Variants in FAM120A observed in about 807,000 individuals in gnomAD.
FAM120A encodes family with sequence similarity 120 member A, also known as constitutive coactivator of PPAR-gamma-like protein 1.
A neutral mutation model predicts 109.7 loss-of-function variants in FAM120A; 15 were observed. The observed-to-expected ratio is 0.14, with a 90% confidence interval of 0.09 to 0.21. The LOEUF (loss-of-function observed/expected upper bound fraction) is 0.21. Among genes scored for constraint, FAM120A ranks in the 10% least tolerant of loss-of-function variants. The pLI, the probability that FAM120A is intolerant of heterozygous loss-of-function variation, is 1.00. For synonymous variants in FAM120A, 493 were observed against 572.8 expected, an observed-to-expected ratio of 0.86 and a Z score of 1.99; for missense variants, 899 against 1,439.3, an observed-to-expected ratio of 0.62 and a Z score of 6.07.
At chr9:93,504,459 C>T (rs1859944911) in intron 5 of FAM120A, among the ~76,000 whole-genome samples, 1 of 152,134 alleles carries the variant, frequency 6.6e-6, no homozygotes, top group African/African-American at 2.4e-5. Context: ...CTCTCTACCA[C>T]CCTCAATTTT....
chr9:93,451,883 G>T lies in FAM120A; in HGVS notation c.-33G>T. On this transcript the variant is annotated 5_prime_UTR_variant, in exon 1 of 18. Transcript: ENST00000277165. ...ACCACCCCCGGCCCCGCCGCCCCCC[G>T]CCCGCACCCGCGCCCGCGCCCCCGC... The T allele has an allele frequency of 1.4e-6, 1 of 712,194 alleles. No individual in the cohort carries two copies. The highest frequency in any genetic ancestry group is 1.8e-6 in the Non-Finnish European group (1 of 567,816). The allele number at this position is 712,194 out of a possible 1,614,324, so 44.1% of individuals were successfully genotyped here.
intron 11 of FAM120A, among the ~76,000 whole-genome samples, chr9:93,547,839 G>C (rs922246313): frequency 2.0e-5 from 3 of 152,170 alleles, no homozygotes; most frequent in Non-Finnish European, 4.4e-5. Context: ...ACCAGGATCT[G>C]TTTTGATATT....
chr9:93,453,237 G>T, intron 1 of FAM120A: 1 of 995,048 alleles, frequency 1.0e-6, no homozygotes, highest in Non-Finnish European at 1.2e-6. Context: ...CTTCAGCGGT[G>T]CCCTGACGGG....
At chr9:93,495,653 A>G (rs1370613254) in intron 3 of FAM120A, among the ~76,000 whole-genome samples, 12 of 152,232 alleles carry the variant, frequency 7.9e-5, no homozygotes, top group African/African-American at 2.4e-5. Context: ...TTCAAATGCT[A>G]TGATCGCTTG....
In FAM120A at chr9:93,558,733, C is replaced by T; in HGVS notation, c.2806+15C>T. 1 of 1,611,586 alleles carries T rather than the reference C, an allele frequency of 6.2e-7. No homozygotes were observed. The highest frequency in any genetic ancestry group is 8.5e-7 in the Non-Finnish European group (1 of 1,178,620). On this transcript the variant is annotated intron_variant, in intron 15 of 17. Coordinates refer to ENST00000277165, the MANE Select transcript of FAM120A (RefSeq NM_014612.5). ...GTCCCAGGGCGGTAATTATACCCAC[C>T]CCTTCCCAGAGCTTCTGCCTGCCAG...
intron 12 of FAM120A, among the ~76,000 whole-genome samples, chr9:93,554,839 A>G (rs1253290041): frequency 6.6e-6 from 1 of 152,174 alleles, no homozygotes; most frequent in Non-Finnish European, 1.5e-5. Context: ...GGTGTAGGGC[A>G]GAGAGAGGGG....
At chr9:93,558,462 C>A in intron 14 of FAM120A, 119 bp from the exon 15 acceptor site, 1 of 1,274,612 alleles carries the variant, frequency 7.8e-7, no homozygotes, top group Non-Finnish European at 1.1e-6. Context: ...ACAAGAGGGG[C>A]CAGGAGACCC....
intron 5 of FAM120A, among the ~76,000 whole-genome samples, chr9:93,509,490 C>G (rs751986942): frequency 1.3e-5 from 2 of 152,222 alleles, no homozygotes; most frequent in Admixed American, 1.3e-4. Context: ...CATGTCTCTG[C>G]TGTCGTTGTC....
intron 3 of FAM120A, among the ~76,000 whole-genome samples, chr9:93,488,308 T>G (rs1451547928): frequency 2.6e-5 from 4 of 152,206 alleles, no homozygotes; most frequent in Non-Finnish European, 5.9e-5. Context: ...ATAAGATTGC[T>G]TTTGTCAAGA....
intron 5 of FAM120A, among the ~76,000 whole-genome samples, chr9:93,501,354 TA>T (rs1177855766): frequency 6.6e-6 from 1 of 152,228 alleles, no homozygotes; most frequent in Admixed American, 6.5e-5. Flanking sequence ...TTGAATATCT[TA>T]AAAATATGTT....
At chr9:93,474,133 T>C (rs76640831) in intron 2 of FAM120A, among the ~76,000 whole-genome samples, 11,672 of 152,264 alleles carry the variant, frequency 0.077, 578 homozygotes, top group Non-Finnish European at 0.1. Context: ...GCTTGCAATC[T>C]CTTCAAAAAG....
chr9:93,469,197 AC>A (rs1226454914), intron 1 of FAM120A, among the ~76,000 whole-genome samples: 1 of 152,104 alleles, frequency 6.6e-6, no homozygotes, highest in Admixed American at 6.5e-5. Context: ...ATTGTTCACC[AC>A]CCTGTGAAGC....
intron 11 of FAM120A, 138 bp downstream of exon 11, chr9:93,543,609 T>A: frequency 8.9e-7 from 1 of 1,127,018 alleles, no homozygotes; most frequent in Non-Finnish European, 1.2e-6. Context: ...CATCCCATAT[T>A]TATATATGTG....
chr9:93,479,350 G>A (rs180675691), intron 3 of FAM120A, among the ~76,000 whole-genome samples: 3 of 152,146 alleles, frequency 2.0e-5, no homozygotes, highest in African/African-American at 7.2e-5. Context: ...CGCCCGCCTC[G>A]GCCTCCCAAA....
intron 7 of FAM120A, among the ~76,000 whole-genome samples, chr9:93,526,428 C>T (rs1210935567): frequency 6.6e-6 from 1 of 152,180 alleles, no homozygotes; most frequent in Admixed American, 6.5e-5. Context: ...TATTCCCAGA[C>T]TGTTAATGGG....
chr9:93,526,411 G>A (rs1194846525), intron 7 of FAM120A, among the ~76,000 whole-genome samples: 2 of 152,124 alleles, frequency 1.3e-5, no homozygotes, highest in Non-Finnish European at 1.5e-5. Context: ...TTAAACCCAC[G>A]AAATTGTATT....
At chr9:93,559,684 C>T (rs1168373194) in intron 15 of FAM120A, among the ~76,000 whole-genome samples, 1 of 152,206 alleles carries the variant, frequency 6.6e-6, no homozygotes, top group African/African-American at 2.4e-5. Flanking sequence ...TGTTTCCTCT[C>T]TGCTTCTTGA....
At chr9:93,470,541 A>G (rs1015639695) in intron 1 of FAM120A, among the ~76,000 whole-genome samples, 1 of 152,206 alleles carries the variant, frequency 6.6e-6, no homozygotes, top group African/African-American at 2.4e-5. Flanking sequence ...AGTGTGTGGG[A>G]CATAGAATAA....
chr9:93,468,708 C>T (rs1451983144), intron 1 of FAM120A, among the ~76,000 whole-genome samples: 2 of 152,158 alleles, frequency 1.3e-5, no homozygotes, highest in African/African-American at 4.8e-5. Flanking sequence ...AGCGTAGTGG[C>T]TGTGTCTATC....
Sources: allele counts gnomAD v4.1 joint callset (sites outside exome capture counted in the v4.1 genomes callset), GRCh38; gene constraint gnomAD v4.1.1; transcripts MANE v1.5; gene names NCBI Gene and HGNC (gene_info 2026-07-23, HGNC 2026-07-21).